The following GRID2 variants were observed in gnomAD, a reference collection of about 807,000 sequenced individuals.
The protein encoded by GRID2 is glutamate ionotropic receptor delta type subunit 2, also known as glutamate receptor ionotropic, delta-2.
GRID2 carries 33 observed loss-of-function variants against 114.8 expected under a neutral mutation model. That is an observed-to-expected ratio of 0.29 (90% CI 0.22 to 0.38). The LOEUF is 0.38. GRID2 is among the 10% of genes least tolerant of loss of function. The pLI is 1.00. For missense variants in GRID2, 1,184 were observed against 1,257.7 expected (o/e 0.94, Z 0.89); for synonymous variants, 505 against 449.9 (o/e 1.12, Z -1.55).
At chr4:92,404,692 T>A (rs924168539) in intron 1 of GRID2, among the ~76,000 whole-genome samples, 1 of 152,168 alleles carries the variant, frequency 6.6e-6, no homozygotes, top group African/African-American at 2.4e-5. Flanking sequence ...TGGAATACTG[T>A]GCAGCCATAA....
chr4:92,767,051 T>G (rs1243561083), intron 2 of GRID2, among the ~76,000 whole-genome samples: 1 of 152,174 alleles, frequency 6.6e-6, no homozygotes, highest in Non-Finnish European at 1.5e-5. Context: ...ATGACTAAAT[T>G]TTGGTCAATG....
chr4:92,646,029 A>G (rs1280214394), intron 2 of GRID2, among the ~76,000 whole-genome samples: 1 of 151,782 alleles, frequency 6.6e-6, no homozygotes, highest in African/African-American at 2.4e-5. Flanking sequence ...AGAATTTTCC[A>G]TCTTGATTGC....
chr4:93,325,781 T>A (rs1757767954), intron 8 of GRID2, among the ~76,000 whole-genome samples: 1 of 152,160 alleles, frequency 6.6e-6, no homozygotes, highest in South Asian at 2.1e-4. Flanking sequence ...TTCTTTCTTA[T>A]TTTGATACTG....
chr4:93,056,944 T>G (rs1033181818), intron 2 of GRID2, among the ~76,000 whole-genome samples: 5 of 152,014 alleles, frequency 3.3e-5, no homozygotes, highest in African/African-American at 1.2e-4. Flanking sequence ...ATCATTATAA[T>G]AGAAAATTGT....
intron 8 of GRID2, among the ~76,000 whole-genome samples, chr4:93,256,777 C>T (rs938564295): frequency 2.6e-5 from 4 of 151,646 alleles, no homozygotes; most frequent in African/African-American, 9.7e-5. Context: ...ATATGTACTG[C>T]GAGGGAAAAG....
intron 1 of GRID2, among the ~76,000 whole-genome samples, chr4:92,527,842 A>G (rs1455443294): frequency 6.6e-6 from 1 of 152,030 alleles, no homozygotes; most frequent in Non-Finnish European, 1.5e-5. Context: ...TTCAGAAAAC[A>G]TTTTTCCATT....
intron 8 of GRID2, among the ~76,000 whole-genome samples, chr4:93,392,152 A>C (rs1764917339): frequency 6.6e-6 from 1 of 152,020 alleles, no homozygotes; most frequent in African/African-American, 2.4e-5. Flanking sequence ...GGCCATCTTT[A>C]TTGTTTTTTA....
intron 13 of GRID2, among the ~76,000 whole-genome samples, chr4:93,552,051 C>A (rs1329490349): frequency 1.4e-5 from 2 of 143,866 alleles, no homozygotes; most frequent in Non-Finnish European, 3.0e-5. Context: ...CACAACAGGC[C>A]CCAGTGTGTG....
At chr4:92,942,524 A>G (rs1434163491) in intron 2 of GRID2, among the ~76,000 whole-genome samples, 3 of 152,012 alleles carry the variant, frequency 2.0e-5, no homozygotes, top group African/African-American at 4.8e-5. Flanking sequence ...TCTTTATCCA[A>G]TTTGCCAGAC....
intron 2 of GRID2, among the ~76,000 whole-genome samples, chr4:92,906,352 T>C (rs1159864380): frequency 6.6e-6 from 1 of 152,222 alleles, no homozygotes; most frequent in East Asian, 1.9e-4. Context: ...GCAGAGCTTT[T>C]ACTAGCTTAC....
intron 13 of GRID2, among the ~76,000 whole-genome samples, chr4:93,564,453 C>T (rs1455994515): frequency 6.6e-6 from 1 of 151,910 alleles, no homozygotes; most frequent in Non-Finnish European, 1.5e-5. Flanking sequence ...GTGCACTTTC[C>T]AGTAGTCAAC....
chr4:92,630,387 T>C (rs1258424511), intron 2 of GRID2, among the ~76,000 whole-genome samples: 2 of 152,150 alleles, frequency 1.3e-5, no homozygotes, highest in African/African-American at 4.8e-5. Context: ...GGACTTGTAG[T>C]TCCCACTGAA....
intron 2 of GRID2, among the ~76,000 whole-genome samples, chr4:92,664,027 C>T (rs1187257596): frequency 2.0e-5 from 3 of 150,848 alleles, no homozygotes; most frequent in African/African-American, 4.8e-5. Context: ...TTTGCTCTAA[C>T]GTTTATTATT....
intron 12 of GRID2, 46 bp downstream of exon 12, chr4:93,490,823 AAG>A (rs1299416279): frequency 3.7e-6 from 5 of 1,339,580 alleles, no homozygotes; most frequent in Non-Finnish European, 5.3e-6. Flanking sequence ...GAGAAATGAT[AAG>A]AGTGGCCAAA....
At chr4:93,398,129 G>GTGTGTGTGTGTA (rs1553923239) in intron 9 of GRID2, among the ~76,000 whole-genome samples, 1 of 113,148 alleles carries the variant, frequency 8.8e-6, no homozygotes, top group African/African-American at 5.8e-5. Context: ...ATGTATGTGT[G>GTGTGTGTGTGTA]TGTGTATATA....
At chr4:92,821,797 T>C (rs1042676709) in intron 2 of GRID2, among the ~76,000 whole-genome samples, 4 of 152,152 alleles carry the variant, frequency 2.6e-5, no homozygotes, top group African/African-American at 7.2e-5. Context: ...TTCCAACTTG[T>C]CCTCAAGCTA....
chr4:93,016,062 A>AGTGT (rs34148364), intron 2 of GRID2, among the ~76,000 whole-genome samples: 1,683 of 148,348 alleles, frequency 0.011, 21 homozygotes, highest in African/African-American at 0.037. Context: ...TGTGTGTGTG[A>AGTGT]GTGTGTGTGT....
chr4:92,820,907 A>C (rs1560613513), intron 2 of GRID2, among the ~76,000 whole-genome samples: 1 of 152,094 alleles, frequency 6.6e-6, no homozygotes, highest in Admixed American at 6.6e-5. Context: ...TAAAAATCTA[A>C]TCTGATTTTC....
intron 2 of GRID2, among the ~76,000 whole-genome samples, chr4:93,082,173 C>G (rs762587625): frequency 6.6e-6 from 1 of 152,180 alleles, no homozygotes; most frequent in African/African-American, 2.4e-5. Flanking sequence ...CATCCAGTCC[C>G]AATTCATTTT....
Sources: allele counts gnomAD v4.1 joint callset (sites outside exome capture counted in the v4.1 genomes callset), GRCh38; gene constraint gnomAD v4.1.1; transcripts MANE v1.5; gene names NCBI Gene and HGNC (gene_info 2026-07-23, HGNC 2026-07-21).